Variants in PPP2R2C observed in about 807,000 individuals in gnomAD.
PPP2R2C encodes protein phosphatase 2, regulatory subunit B, gamma.
In PPP2R2C, 10 loss-of-function variants were observed where a neutral mutation model predicts 45.3. The ratio of observed to expected loss-of-function variants is 0.22; its 90% confidence interval spans 0.14 to 0.37. The LOEUF (loss-of-function observed/expected upper bound fraction) is 0.37. Ranked by LOEUF, PPP2R2C falls within the 10% of genes least tolerant of loss-of-function variation. The pLI, the probability that PPP2R2C is intolerant of heterozygous loss-of-function variation, is 1.00. For synonymous variants in PPP2R2C, 257 were observed against 245.4 expected (o/e 1.05, Z -0.44); for missense variants, 308 against 619.7 (o/e 0.50, Z 5.34).
chr4:6,384,179 C>T (rs750662068), intron 1 of PPP2R2C: 3 of 985,374 alleles, frequency 3.0e-6, no homozygotes, highest in Non-Finnish European at 3.6e-6. Context: ...TGGGCAGAAG[C>T]CAGAACCACC....
intron 2 of PPP2R2C, among the ~76,000 whole-genome samples, chr4:6,528,843 C>T (rs541261005): frequency 1.3e-5 from 2 of 152,298 alleles, no homozygotes; most frequent in South Asian, 4.1e-4. Flanking sequence ...CAGAGAACAA[C>T]CCCCTTTGAC....
chr4:6,494,245 C>T (rs1239736036), intron 2 of PPP2R2C, among the ~76,000 whole-genome samples: 7 of 152,128 alleles, frequency 4.6e-5, no homozygotes, highest in South Asian at 2.1e-4. Context: ...ACACAGGGGA[C>T]GCAGGAGATC....
chr4:6,392,353 A>G (rs958382292), intron 1 of PPP2R2C, among the ~76,000 whole-genome samples: 2 of 152,060 alleles, frequency 1.3e-5, no homozygotes. Context: ...GAGACAGCCA[A>G]TAAGCAAATT....
At chr4:6,464,324 C>A (rs1283338104) in intron 1 of PPP2R2C, among the ~76,000 whole-genome samples, 1 of 152,158 alleles carries the variant, frequency 6.6e-6, no homozygotes, top group African/African-American at 2.4e-5. Flanking sequence ...TTTGCAAGGC[C>A]CTGTGTAACT....
chr4:6,468,043 T>A (rs1721677010), intron 1 of PPP2R2C, among the ~76,000 whole-genome samples: 1 of 152,206 alleles, frequency 6.6e-6, no homozygotes, highest in Non-Finnish European at 1.5e-5. Flanking sequence ...CACATCCAGC[T>A]ATGGCCTGAG....
chr4:6,415,004 C>T (rs1055256164), intron 1 of PPP2R2C, among the ~76,000 whole-genome samples: 3 of 152,222 alleles, frequency 2.0e-5, no homozygotes, highest in Non-Finnish European at 4.4e-5. Context: ...CTCGCTCACA[C>T]GACAGGAAGG....
intron 6 of PPP2R2C, among the ~76,000 whole-genome samples, chr4:6,337,472 T>A (rs1156241727): frequency 1.3e-5 from 2 of 151,954 alleles, no homozygotes; most frequent in Non-Finnish European, 2.9e-5. Flanking sequence ...TTCTGTCACT[T>A]GGAGGTGAGG....
At chr4:6,380,823 C>T (rs1051806235) in intron 2 of PPP2R2C, among the ~76,000 whole-genome samples, 174 bp downstream of exon 2, 6 of 152,090 alleles carry the variant, frequency 3.9e-5, no homozygotes, top group African/African-American at 1.4e-4. Flanking sequence ...AGGCAAGACA[C>T]CCCACACCTC....
At chr4:6,551,551 A>G (rs2108840217) in intron 1 of PPP2R2C, among the ~76,000 whole-genome samples, 1 of 152,356 alleles carries the variant, frequency 6.6e-6, no homozygotes, top group African/African-American at 2.4e-5. Context: ...AGAGCCTAGC[A>G]GAAATGAAGC....
At chr4:6,535,755 C>G (rs1724587984) in intron 1 of PPP2R2C, among the ~76,000 whole-genome samples, 2 of 152,234 alleles carry the variant, frequency 1.3e-5, no homozygotes, top group Non-Finnish European at 2.9e-5. Context: ...CGCTTAAAAA[C>G]ATGGAACTAG....
chr4:6,412,983 A>C (rs950193008), intron 1 of PPP2R2C, among the ~76,000 whole-genome samples: 4 of 152,192 alleles, frequency 2.6e-5, no homozygotes, highest in African/African-American at 9.7e-5. Context: ...ACTGTTAGAA[A>C]TGTTTCTGTT....
At chr4:6,405,012 C>T (rs1272581830) in intron 1 of PPP2R2C, among the ~76,000 whole-genome samples, 1 of 152,160 alleles carries the variant, frequency 6.6e-6, no homozygotes, top group Non-Finnish European at 1.5e-5. Context: ...AGTTACTGGG[C>T]AAATTAAATG....
chr4:6,458,454 A>G (rs1721158090), intron 1 of PPP2R2C, among the ~76,000 whole-genome samples: 1 of 152,080 alleles, frequency 6.6e-6, no homozygotes, highest in Non-Finnish European at 1.5e-5. Flanking sequence ...GAGCTCTCTA[A>G]GGTCTTTTAT....
intron 2 of PPP2R2C, among the ~76,000 whole-genome samples, chr4:6,493,044 T>A (rs1475705140): frequency 6.6e-6 from 1 of 152,096 alleles, no homozygotes; most frequent in Non-Finnish European, 1.5e-5. Flanking sequence ...ATACCCTGCC[T>A]CGGGGACTTT....
At chr4:6,511,606 G>T (rs1052171376) in intron 2 of PPP2R2C, among the ~76,000 whole-genome samples, 2 of 51,048 alleles carry the variant, frequency 3.9e-5, no homozygotes, top group Admixed American at 2.0e-4. Context: ...GATGGGGGTG[G>T]TGGTGGTGGT....
At chr4:6,510,596 A>G (rs1326881687) in intron 2 of PPP2R2C, among the ~76,000 whole-genome samples, 1 of 152,152 alleles carries the variant, frequency 6.6e-6, no homozygotes, top group African/African-American at 2.4e-5. Context: ...ATACACACGC[A>G]CGCACACACG....
intron 2 of PPP2R2C, among the ~76,000 whole-genome samples, chr4:6,479,879 T>C (rs1339378007): frequency 6.6e-6 from 1 of 152,170 alleles, no homozygotes; most frequent in African/African-American, 2.4e-5. Flanking sequence ...TTTTTACTTT[T>C]ATTTTATTTT....
chr4:6,323,225 T>G lies in PPP2R2C; in HGVS notation c.*77A>C. On this transcript the variant is annotated 3_prime_UTR_variant, in exon 9 of 9. Coordinates refer to ENST00000382599, the MANE Select transcript of PPP2R2C (RefSeq NM_020416.4). ...CAGTGCTGTGACTTTCTTCCCCTCC[T>G]TGCATTGCGGTCGTGAAGGTCATGT... The G allele has an allele frequency of 6.7e-7, 1 of 1,495,754 alleles. No individual in the cohort carries two copies. Among genetic ancestry groups the G allele is most frequent in the Non-Finnish European group, 9.1e-7 (1 of 1,100,848 alleles). 92.7% of individuals were successfully genotyped at this position (1,495,754 alleles called of 1,614,324 possible).
chr4:6,406,200 T>C (rs1302554193), intron 1 of PPP2R2C, among the ~76,000 whole-genome samples: 1 of 152,238 alleles, frequency 6.6e-6, no homozygotes, highest in East Asian at 1.9e-4. Flanking sequence ...TCTGATGTGC[T>C]TCTTCTTCAA....
Sources: allele counts gnomAD v4.1 joint callset (sites outside exome capture counted in the v4.1 genomes callset), GRCh38; gene constraint gnomAD v4.1.1; transcripts MANE v1.5; gene names NCBI Gene and HGNC (gene_info 2026-07-23, HGNC 2026-07-21).